The following OSBPL1A variants were observed in gnomAD, a reference collection of about 807,000 sequenced individuals.
The protein encoded by OSBPL1A is oxysterol-binding protein-related protein 1.
A neutral mutation model predicts 137.1 loss-of-function variants in OSBPL1A; 80 were observed. That is an observed-to-expected ratio of 0.58 (90% CI 0.49 to 0.70). The LOEUF is 0.70. OSBPL1A is among the 30% of genes least tolerant of loss of function. The pLI, the probability that OSBPL1A is intolerant of heterozygous loss-of-function variation, is 0.00. For missense variants in OSBPL1A, 970 were observed against 1,129.4 expected (o/e 0.86, Z 2.02); for synonymous variants, 365 against 389.7 (o/e 0.94, Z 0.75).
chr18:24,186,507 A>AG (rs2086750107), intron 18 of OSBPL1A, among the ~76,000 whole-genome samples: 1 of 152,184 alleles, frequency 6.6e-6, no homozygotes, highest in Non-Finnish European at 1.5e-5. Flanking sequence ...GGGTATCTCT[A>AG]GGAGTTGGGG....
At chr18:24,164,918 T>G (rs1373461138) in intron 27 of OSBPL1A, 147 bp downstream of exon 27, 1 of 724,742 alleles carries the variant, frequency 1.4e-6, no homozygotes, top group Non-Finnish European at 2.3e-6. Flanking sequence ...TCAGTGGAAA[T>G]AACTTTTTTT....
rs189244713 is a variant in OSBPL1A at position 24,286,114 on chromosome 18, G to A, written c.1175-5166C>T. On this transcript the variant is annotated intron_variant, in intron 14 of 27. Transcript: ENST00000319481. ...AGAGGCTGCAGTGAGCCAAGATCGC[G>A]CCACTGCACTCCAGCCTGGGTGACA... Among the ~76,000 whole-genome samples, 96 of 152,152 alleles carry A rather than the reference G, an allele frequency of 6.3e-4. No homozygotes were observed. In the South Asian group the frequency reaches 1.0e-2, roughly 16 times the overall value.
intron 4 of OSBPL1A, among the ~76,000 whole-genome samples, chr18:24,350,242 T>A (rs1204488304): frequency 1.3e-5 from 2 of 152,188 alleles, no homozygotes; most frequent in African/African-American, 4.8e-5. Flanking sequence ...CTTTGTCCCT[T>A]TTTTGCTTCC....
intron 4 of OSBPL1A, among the ~76,000 whole-genome samples, chr18:24,348,729 G>A (rs1026417420): frequency 4.0e-5 from 6 of 151,892 alleles, no homozygotes; most frequent in Admixed American, 1.3e-4. Flanking sequence ...AGCCAAGATC[G>A]CACAACTGCA....
rs192143487 is a variant in OSBPL1A at position 24,365,070 on chromosome 18, G to A, written c.282+1822C>T. ...AAAATCCAGAAACATTTAAATTATGGTCAACTGATTTCCAGCAAAGGTATC... is the reference window on the plus strand; with the variant it reads ...AAAATCCAGAAACATTTAAATTATGATCAACTGATTTCCAGCAAAGGTATC... On this transcript the variant is annotated intron_variant, in intron 4 of 27. Coordinates refer to ENST00000319481, the MANE Select transcript of OSBPL1A (RefSeq NM_080597.4). Among the ~76,000 whole-genome samples, 4 of 149,920 alleles carry A rather than the reference G, an allele frequency of 2.7e-5. No homozygotes were observed. The East Asian group carries it at 7.8e-4, about 29-fold the overall frequency.
rs144812811 is a variant in OSBPL1A, at chr18:24,332,785, T to C, written c.625+157A>G. Among the ~76,000 whole-genome samples the C allele has an allele frequency of 2.7e-3, 416 of 152,316 alleles. 2 individuals carry two copies. Among genetic ancestry groups the C allele is most frequent in the African/African-American group, 9.7e-3 (404 of 41,576 alleles). The stretch of plus-strand genomic sequence containing the variant: ...TTGAGGGTAGGATCTACCTTTGTCA[T>C]CATTTTTTCTTTTGTGTGAATGCCT... On this transcript the variant is annotated intron_variant, in intron 7 of 27. Transcript: ENST00000319481.
chr18:24,188,310 G>A (rs1231623382), intron 18 of OSBPL1A, among the ~76,000 whole-genome samples: 1 of 152,204 alleles, frequency 6.6e-6, no homozygotes, highest in African/African-American at 2.4e-5. Context: ...CGGCAGGATG[G>A]GGCAGGCAGC....
chr18:24,311,929 A>T (rs2090625510), intron 13 of OSBPL1A, 55 bp downstream of exon 13: 1 of 1,601,834 alleles, frequency 6.2e-7, no homozygotes, highest in Admixed American at 1.7e-5. Flanking sequence ...AAAGTTCTTG[A>T]TTAAACCTCA....
In OSBPL1A at chr18:24,282,508, T is replaced by C. The variant is rs570277920; in HGVS notation, c.1175-1560A>G. On this transcript the variant is annotated intron_variant, in intron 14 of 27. Coordinates refer to ENST00000319481, the MANE Select transcript of OSBPL1A (RefSeq NM_080597.4). ...GAAATGGTAGTATCAGTATCTGCCC[T>C]GGTCCTCTAAAGAAAATCTTAACCC... is the stretch of plus-strand genomic sequence containing the variant. Among the ~76,000 whole-genome samples, 27 of 152,252 alleles carry C rather than the reference T, an allele frequency of 1.8e-4. 1 individual carries two copies. The South Asian group carries it at 5.6e-3, about 32-fold the overall frequency.
intron 17 of OSBPL1A, among the ~76,000 whole-genome samples, chr18:24,219,265 C>A (rs111436962): frequency 0.015 from 2,262 of 152,152 alleles, 43 homozygotes; most frequent in African/African-American, 0.051. Context: ...TGCACTCCAG[C>A]CTGGGCAATG....
chr18:24,210,429 C>T (rs2087502550), intron 17 of OSBPL1A, among the ~76,000 whole-genome samples: 1 of 151,756 alleles, frequency 6.6e-6, no homozygotes, highest in East Asian at 1.9e-4. Context: ...TGGAGTGAGA[C>T]TCCATCTCAA....
intron 4 of OSBPL1A, among the ~76,000 whole-genome samples, chr18:24,365,850 A>G (rs1424801981): frequency 6.6e-6 from 1 of 152,214 alleles, no homozygotes; most frequent in Non-Finnish European, 1.5e-5. Flanking sequence ...AAGTAACACT[A>G]AAGACTTCTG....
intron 15 of OSBPL1A, among the ~76,000 whole-genome samples, chr18:24,280,166 G>A (rs1348649989): frequency 1.3e-5 from 2 of 152,010 alleles, no homozygotes; most frequent in African/African-American, 4.8e-5. Context: ...GACTGGTCTC[G>A]AACTCCTGAC....
At chr18:24,190,241 T>C (rs914933674) in intron 18 of OSBPL1A, among the ~76,000 whole-genome samples, 2 of 148,630 alleles carry the variant, frequency 1.3e-5, no homozygotes, top group African/African-American at 2.5e-5. Context: ...TACTTCCACA[T>C]GCATTTTTTC....
rs147613339 is a variant in OSBPL1A, at chr18:24,168,965, G to A, written c.2418+1362C>T. Among the ~76,000 whole-genome samples, 339 of 152,348 alleles carry A rather than the reference G, an allele frequency of 2.2e-3. 3 individuals carry two copies. Among genetic ancestry groups the A allele is most frequent in the Middle Eastern group, 0.014 (4 of 294 alleles). ...GGAAGGCAAGCATGTTGGGGAGATCGTCTTTGTCAAGGTGCCTCCTATTAG... is the reference window on the plus strand; with the variant it reads ...GGAAGGCAAGCATGTTGGGGAGATCATCTTTGTCAAGGTGCCTCCTATTAG... On this transcript the variant is annotated intron_variant, in intron 24 of 27. Coordinates refer to ENST00000319481, the MANE Select transcript of OSBPL1A (RefSeq NM_080597.4).
intron 16 of OSBPL1A, among the ~76,000 whole-genome samples, chr18:24,234,743 G>C (rs960584771): frequency 6.6e-6 from 1 of 152,180 alleles, no homozygotes; most frequent in Non-Finnish European, 1.5e-5. Context: ...CTTTTTAAAA[G>C]ATTAAACATT....
intron 17 of OSBPL1A, among the ~76,000 whole-genome samples, chr18:24,221,468 TAGAATC>T (rs1411403697): frequency 5.9e-5 from 9 of 152,338 alleles, no homozygotes; most frequent in East Asian, 1.9e-4. Context: ...TGCAAGTAAT[TAGAATC>T]AGACAGAAAA....
chr18:24,320,589 A>G (rs1237049106), intron 7 of OSBPL1A, among the ~76,000 whole-genome samples: 2 of 152,198 alleles, frequency 1.3e-5, no homozygotes, highest in Non-Finnish European at 2.9e-5. Context: ...AGGCCACATC[A>G]CACAAGGGGT....
chr18:24,356,853 G>A (rs1298851023), intron 4 of OSBPL1A, among the ~76,000 whole-genome samples: 2 of 152,166 alleles, frequency 1.3e-5, no homozygotes, highest in Admixed American at 1.3e-4. Flanking sequence ...ATGGAATGTG[G>A]AGGATGACAC....
Sources: gnomAD v4.1 joint callset for allele counts (sites outside exome capture counted in the v4.1 genomes callset) on GRCh38, gnomAD v4.1.1 for gene constraint, MANE v1.5 for transcripts, NCBI Gene and HGNC (gene_info 2026-07-23, HGNC 2026-07-21) for gene names.